Variants in ANK2 observed in about 807,000 individuals in gnomAD.
ANK2 encodes ankyrin 2.
In ANK2, 83 loss-of-function variants were observed where a neutral mutation model predicts 360.5. That is an observed-to-expected ratio of 0.23 (90% CI 0.19 to 0.28). The LOEUF (loss-of-function observed/expected upper bound fraction) is 0.28, where lower values mean the gene tolerates loss of function less well. Ranked by LOEUF, ANK2 falls within the 10% of genes least tolerant of loss-of-function variation. The probability of loss-of-function intolerance (pLI) is 1.00; values close to 1 mark genes in which losing one functional copy is unlikely to be tolerated. For synonymous variants in ANK2, 1,740 were observed against 1,759.5 expected (o/e 0.99, Z 0.28); for missense variants, 4,201 against 4,795.7 (o/e 0.88, Z 3.66).
chr4:112,810,695 G>T, the ANK2 span, among the ~76,000 whole-genome samples: 1 of 151,836 alleles, frequency 6.6e-6, no homozygotes, highest in Admixed American at 6.6e-5. Flanking sequence ...GGGATTACAG[G>T]CACCCACCAC....
At chr4:112,744,975 T>C in the ANK2 span, among the ~76,000 whole-genome samples, 2 of 152,264 alleles carry the variant, frequency 1.3e-5, no homozygotes, top group Non-Finnish European at 2.9e-5. Flanking sequence ...TCATTTTCTA[T>C]TGGTGTTTTG....
chr4:112,785,045 A>C, the ANK2 span, among the ~76,000 whole-genome samples: 1 of 152,330 alleles, frequency 6.6e-6, no homozygotes, highest in Admixed American at 6.5e-5. Context: ...GGAGTCTTTA[A>C]AATTATAATA....
chr4:112,909,939 A>G (rs1031339744), intron 2 of ANK2, among the ~76,000 whole-genome samples: 3 of 152,184 alleles, frequency 2.0e-5, no homozygotes, highest in Non-Finnish European at 2.9e-5. Flanking sequence ...GTAATTCTCT[A>G]TTATAGTTAC....
intron 2 of ANK2, among the ~76,000 whole-genome samples, chr4:112,911,711 T>C (rs2087498619): frequency 1.3e-5 from 2 of 152,232 alleles, no homozygotes; most frequent in East Asian, 1.9e-4. Context: ...AAAGTTGCTC[T>C]ATATATTTTG....
the ANK2 span, among the ~76,000 whole-genome samples, chr4:112,773,844 AG>A: frequency 6.6e-6 from 1 of 152,090 alleles, no homozygotes; most frequent in African/African-American, 2.4e-5. Flanking sequence ...TGTATCGCCT[AG>A]GCTGGAGTGC....
Position 112,825,322 on chromosome 4 carries a change from G to C in ANK2, c.-40+7058G>C, listed in dbSNP as rs2058171697. On this transcript the variant is annotated intron_variant, in intron 1 of 30. Transcript: ENST00000503271. ...CTGCATGTTGTGCACATGTACCCTAGAACATAAAGGATAATAAAAAAAAAA... is the reference window on the plus strand; with the variant it reads ...CTGCATGTTGTGCACATGTACCCTACAACATAAAGGATAATAAAAAAAAAA... Among the ~76,000 whole-genome samples, 2 of 150,010 alleles carry C rather than the reference G, an allele frequency of 1.3e-5. 1 individual carries two copies. The highest frequency in any genetic ancestry group is 4.9e-5 in the African/African-American group (2 of 40,850).
chr4:113,354,105 A>G lies in ANK2; in HGVS notation c.5487A>G (p.Arg1829=). ...GGTCTCCCTCCCCTAAAACAGAAAG[A>G]CACTCTACTCTTTCCTCTTCCGCAA... ...APGSPSPKTE[R]HSTLSSSAKT... Residue 1829 remains arginine (R), a synonymous_variant, in exon 38 of 46, where the codon AGA becomes AGG. Coordinates refer to ENST00000357077, the MANE Select transcript of ANK2 (RefSeq NM_001148.6). The G allele has an allele frequency of 6.2e-7, 1 of 1,614,030 alleles. No individual in the cohort carries two copies. The highest frequency in any genetic ancestry group is 8.5e-7 in the Non-Finnish European group (1 of 1,179,964).
chr4:113,154,202 A>G (rs1022715897), intron 1 of ANK2, among the ~76,000 whole-genome samples: 1 of 152,220 alleles, frequency 6.6e-6, no homozygotes, highest in African/African-American at 2.4e-5. Context: ...GTATCACCAT[A>G]AAGTTTTAAA....
At chr4:112,769,888 C>G in the ANK2 span, among the ~76,000 whole-genome samples, 2 of 152,288 alleles carry the variant, frequency 1.3e-5, no homozygotes, top group Admixed American at 1.3e-4. Flanking sequence ...TTGGGATTTA[C>G]CCCAGTGGCA....
At chr4:112,870,908 A>G (rs566678885) in intron 1 of ANK2, among the ~76,000 whole-genome samples, 4 of 152,226 alleles carry the variant, frequency 2.6e-5, no homozygotes, top group African/African-American at 9.6e-5. Context: ...AAGTCTTCCA[A>G]TACATAAACA....
chr4:113,096,176 C>T (rs913116319), intron 1 of ANK2, among the ~76,000 whole-genome samples: 4 of 152,162 alleles, frequency 2.6e-5, no homozygotes, highest in African/African-American at 9.7e-5. Context: ...GACACCTTGT[C>T]ACTGCATGGG....
At chr4:113,024,666 A>G (rs1369540824) in intron 2 of ANK2, among the ~76,000 whole-genome samples, 1 of 151,958 alleles carries the variant, frequency 6.6e-6, no homozygotes, top group Non-Finnish European at 1.5e-5. Context: ...TTCCTTAAAG[A>G]CTCCAATGGC....
intron 4 of ANK2, among the ~76,000 whole-genome samples, chr4:113,230,358 C>A (rs1316304864): frequency 6.6e-6 from 1 of 151,936 alleles, no homozygotes; most frequent in African/African-American, 2.4e-5. Flanking sequence ...ATTTTTATTT[C>A]CAAAAAGGTA....
intron 22 of ANK2, among the ~76,000 whole-genome samples, chr4:113,295,050 G>C (rs29307): frequency 0.042 from 6,434 of 152,172 alleles, 287 homozygotes; most frequent in East Asian, 0.26. Context: ...CCTTTTCCCT[G>C]CTCTGGGAAT....
chr4:112,874,954 C>T (rs2074541082), intron 1 of ANK2, among the ~76,000 whole-genome samples: 1 of 151,916 alleles, frequency 6.6e-6, no homozygotes, highest in South Asian at 2.1e-4. Flanking sequence ...GCTGTGGAAA[C>T]ACTTGTTTGT....
intron 4 of ANK2, among the ~76,000 whole-genome samples, chr4:113,212,224 T>C (rs77381509): frequency 0.028 from 4,239 of 152,328 alleles, 99 homozygotes; most frequent in East Asian, 0.067. Flanking sequence ...TAATCTGTAT[T>C]ATATCTTATT....
At chr4:113,172,748 T>G (rs1051550175) in intron 1 of ANK2, among the ~76,000 whole-genome samples, 1 of 152,220 alleles carries the variant, frequency 6.6e-6, no homozygotes, top group Non-Finnish European at 1.5e-5. Context: ...AACCTAATAC[T>G]ATTTAATTTT....
chr4:113,109,201 C>G (rs888750351), intron 1 of ANK2, among the ~76,000 whole-genome samples: 1 of 152,166 alleles, frequency 6.6e-6, no homozygotes, highest in African/African-American at 2.4e-5. Context: ...AGTGATACTA[C>G]TTTGGGGAAC....
chr4:112,840,733 A>G (rs1247559449), intron 1 of ANK2, among the ~76,000 whole-genome samples: 1 of 152,256 alleles, frequency 6.6e-6, no homozygotes, highest in Non-Finnish European at 1.5e-5. Flanking sequence ...TAATCCTAAT[A>G]ATAATCCTAT....
Sources: gnomAD v4.1 joint callset for allele counts (sites outside exome capture counted in the v4.1 genomes callset) on GRCh38, gnomAD v4.1.1 for gene constraint, MANE v1.5 for transcripts, NCBI Gene and HGNC (gene_info 2026-07-23, HGNC 2026-07-21) for gene names.